EXOC6: variants seen among roughly 807,000 people sequenced by gnomAD.
EXOC6 encodes SEC15-like 1.
A neutral mutation model predicts 112.5 loss-of-function variants in EXOC6; 60 were observed. The observed-to-expected ratio is 0.53, with a 90% CI of 0.43 to 0.66. The LOEUF (loss-of-function observed/expected upper bound fraction) is 0.66. EXOC6 is among the 30% of genes least tolerant of loss of function. EXOC6 has a pLI of 0.00. For missense variants in EXOC6, 855 were observed against 957.1 expected (o/e 0.89, Z 1.41); for synonymous variants, 295 against 308.0 (o/e 0.96, Z 0.44).
Position 93,045,109 on chromosome 10 carries a change from G to C in EXOC6, c.2170-11815G>C, listed in dbSNP as rs551702674. On this transcript the variant is annotated intron_variant, in intron 20 of 21. Transcript: ENST00000260762. ...GCTAATTTCAAACTTCTGGCCTCAA[G>C]TGATCTGCCGCCTCAGCCTCCTAAA... is the stretch of plus-strand genomic sequence containing the variant. Among the ~76,000 whole-genome samples the C allele has an allele frequency of 5.3e-5, 8 of 152,300 alleles. No homozygotes were observed. In the South Asian group the frequency reaches 1.5e-3, roughly 28 times the overall value.
chr10:92,983,301 C>G (rs1312142281), intron 18 of EXOC6, among the ~76,000 whole-genome samples: 2 of 152,066 alleles, frequency 1.3e-5, no homozygotes, highest in Admixed American at 6.6e-5. Flanking sequence ...TTCCCTTTCC[C>G]CATTTCCACT....
intron 17 of EXOC6, among the ~76,000 whole-genome samples, chr10:92,966,814 T>C (rs1410238942): frequency 2.0e-5 from 3 of 148,670 alleles, no homozygotes; most frequent in African/African-American, 7.6e-5. Flanking sequence ...AGTAATGGGA[T>C]GGCTGGGTCA....
intron 12 of EXOC6, 60 bp from the exon 13 acceptor site, chr10:92,940,667 A>AT: frequency 1.8e-6 from 2 of 1,134,842 alleles, no homozygotes; most frequent in Non-Finnish European, 2.5e-6. Flanking sequence ...TATTCCCAAC[A>AT]TTTTTAATGA....
At chr10:92,934,566 A>G (rs1269483707) in intron 11 of EXOC6, 136 bp downstream of exon 11, 2 of 710,282 alleles carry the variant, frequency 2.8e-6, no homozygotes, top group Non-Finnish European at 2.1e-6. Flanking sequence ...GGAAGTAGTA[A>G]TGTCAGGCTT....
chr10:92,848,519 C>T, upstream of EXOC6: 1 of 1,367,632 alleles, frequency 7.3e-7, no homozygotes, highest in Non-Finnish European at 9.6e-7. Context: ...GCTGGCTCCT[C>T]AGCTTCCAGC....
At chr10:93,026,075 C>T (rs1271479852) in intron 20 of EXOC6, among the ~76,000 whole-genome samples, 1 of 152,204 alleles carries the variant, frequency 6.6e-6, no homozygotes, top group Non-Finnish European at 1.5e-5. Context: ...AGCTGTGGTT[C>T]ATTCACTCCC....
chr10:92,906,301 G>T lies in EXOC6; in HGVS notation c.459-3126G>T, dbSNP rs370388290. ...CCACTTAGAATTTAATAAAAATTTC[G>T]TACTTTTTCATGTATCTTGTAAATT... On this transcript the variant is annotated intron_variant, in intron 5 of 21. Transcript: ENST00000260762. Among the ~76,000 whole-genome samples, 4 of 151,956 alleles carry T rather than the reference G, an allele frequency of 2.6e-5. No homozygotes were observed. In the East Asian group the frequency reaches 5.8e-4, roughly 22 times the overall value.
At chr10:92,908,440 A>G (rs1344299718) in intron 5 of EXOC6, among the ~76,000 whole-genome samples, 1 of 152,118 alleles carries the variant, frequency 6.6e-6, no homozygotes, top group African/African-American at 2.4e-5. Context: ...ACATTAGTTA[A>G]TGCCTTTTCC....
At chr10:92,899,510 A>C in intron 4 of EXOC6, 89 bp from the exon 5 acceptor site, 1 of 873,522 alleles carries the variant, frequency 1.1e-6, no homozygotes. Context: ...ATGAATTTGT[A>C]ATATACTCTT....
At chr10:92,997,369 C>T (rs1473662794) in intron 18 of EXOC6, 105 bp from the exon 19 acceptor site, 17 of 1,055,636 alleles carry the variant, frequency 1.6e-5, no homozygotes, top group Admixed American at 2.5e-5. Flanking sequence ...TTGTACCAAG[C>T]ATAAGCAACA....
At chr10:93,046,205 T>C (rs1474236312) in intron 20 of EXOC6, among the ~76,000 whole-genome samples, 2 of 152,194 alleles carry the variant, frequency 1.3e-5, no homozygotes, top group African/African-American at 4.8e-5. Flanking sequence ...AGTCACTAGC[T>C]TTGAGGCACT....
Position 92,855,247 on chromosome 10 carries a change from A to C in EXOC6, c.101+6613A>C, listed in dbSNP as rs542317402. Among the ~76,000 whole-genome samples the C allele has an allele frequency of 3.3e-5, 5 of 151,952 alleles. No homozygotes were observed. The East Asian group carries it at 9.7e-4, about 29-fold the overall frequency. On this transcript the variant is annotated intron_variant, in intron 1 of 21. Coordinates refer to ENST00000260762, the MANE Select transcript of EXOC6 (RefSeq NM_019053.6). ...AATTTTTTTTTTTAATTTATGTTTG[A>C]GACAGGATCTTGCTACATTGCCCAG...
intron 13 of EXOC6, among the ~76,000 whole-genome samples, chr10:92,942,592 A>T (rs1039622774): frequency 6.6e-6 from 1 of 152,204 alleles, no homozygotes; most frequent in African/African-American, 2.4e-5. Flanking sequence ...TAACTATTTT[A>T]AAAATAAAGG....
chr10:92,838,333 A>C (rs1348901007), intron 1 of EXOC6, among the ~76,000 whole-genome samples: 1 of 151,760 alleles, frequency 6.6e-6, no homozygotes, highest in Non-Finnish European at 1.5e-5. Flanking sequence ...ATACATGGCT[A>C]CTCCCAGGAC....
chr10:93,035,742 C>T (rs531800853), intron 20 of EXOC6, among the ~76,000 whole-genome samples: 196 of 152,274 alleles, frequency 1.3e-3, no homozygotes, highest in Non-Finnish European at 2.0e-3. Context: ...GTAATCCCCA[C>T]TAGTTGGGAG....
chr10:92,962,154 A>T (rs2134043348), intron 17 of EXOC6, among the ~76,000 whole-genome samples: 1 of 152,148 alleles, frequency 6.6e-6, no homozygotes, highest in South Asian at 2.1e-4. Flanking sequence ...TCTATGAGAG[A>T]TTTAGGTTAT....
At chr10:92,917,077 C>T (rs1437343119) in intron 7 of EXOC6, among the ~76,000 whole-genome samples, 2 of 151,800 alleles carry the variant, frequency 1.3e-5, no homozygotes, top group African/African-American at 4.8e-5. Flanking sequence ...AATTCTCCTG[C>T]CTCAGCCTCC....
At position 92,948,262 on chromosome 10, in the gene EXOC6, C is replaced by A; in HGVS notation, c.1311-12C>A. ...TTGTAATGATAAGTTTTCAATTTTC[C>A]TTTCCTAACAGGGACATTTTTGAAG... On this transcript the variant is annotated splice_polypyrimidine_tract_variant and intron_variant, in intron 13 of 21. Coordinates refer to ENST00000260762, the MANE Select transcript of EXOC6 (RefSeq NM_019053.6). 6.5e-7 allele frequency: 1 copy of A among 1,544,992 alleles called. No individual in the cohort carries two copies. Among genetic ancestry groups the A allele is most frequent in the Non-Finnish European group, 8.9e-7 (1 of 1,126,216 alleles).
intron 18 of EXOC6, among the ~76,000 whole-genome samples, chr10:92,978,949 A>T (rs539077668): frequency 6.6e-6 from 1 of 152,194 alleles, no homozygotes; most frequent in East Asian, 1.9e-4. Flanking sequence ...GTTAGAGTCA[A>T]TGGAAGCTGA....
Sources: allele counts gnomAD v4.1 joint callset (sites outside exome capture counted in the v4.1 genomes callset), GRCh38; gene constraint gnomAD v4.1.1; transcripts MANE v1.5; gene names NCBI Gene and HGNC (gene_info 2026-07-23, HGNC 2026-07-21).